The following PGPEP1L variants were observed in gnomAD, a reference collection of about 807,000 sequenced individuals.
PGPEP1L encodes pyroglutamyl-peptidase 1-like protein.
A neutral mutation model predicts 6.0 loss-of-function variants in PGPEP1L; 7 were observed. The observed-to-expected ratio is 1.17, with a 90% confidence interval of 0.66 to 2.19. The LOEUF is 2.19. Ranked by LOEUF, PGPEP1L falls within the 30% of genes most tolerant of loss-of-function variation. The probability of loss-of-function intolerance (pLI) is 0.00; values close to 1 mark genes in which losing one functional copy is unlikely to be tolerated. For synonymous variants in PGPEP1L, 103 were observed against 83.9 expected (o/e 1.23, Z -1.24); for missense variants, 209 against 192.5 (o/e 1.09, Z -0.51).
At chr15:98,989,134 T>A (rs2017786681) in intron 2 of PGPEP1L, among the ~76,000 whole-genome samples, 1 of 152,156 alleles carries the variant, frequency 6.6e-6, no homozygotes, top group South Asian at 2.1e-4. Context: ...GAGAATGAGT[T>A]TGACGAATTG....
intron 2 of PGPEP1L, among the ~76,000 whole-genome samples, chr15:99,001,569 A>T (rs1190126172): frequency 3.3e-5 from 5 of 152,252 alleles, no homozygotes; most frequent in African/African-American, 1.2e-4. Context: ...CATGTGGATT[A>T]TATCTCAATG....
intron 2 of PGPEP1L, among the ~76,000 whole-genome samples, chr15:98,989,530 G>A (rs2017791632): frequency 6.6e-6 from 1 of 152,200 alleles, no homozygotes; most frequent in African/African-American, 2.4e-5. Flanking sequence ...GTGACAGGGA[G>A]AATGGAACCA....
intron 2 of PGPEP1L, among the ~76,000 whole-genome samples, chr15:98,997,224 C>T (rs2017900133): frequency 6.6e-6 from 1 of 152,178 alleles, no homozygotes. Flanking sequence ...TTGGCAGTGG[C>T]TCTGGGATGC....
At chr15:99,003,624 C>G (rs1444044059) in intron 2 of PGPEP1L, among the ~76,000 whole-genome samples, 1 of 151,932 alleles carries the variant, frequency 6.6e-6, no homozygotes, top group Non-Finnish European at 1.5e-5. Flanking sequence ...ACACACGAAG[C>G]AAATCCAATT....
intron 2 of PGPEP1L, among the ~76,000 whole-genome samples, chr15:98,988,139 G>C (rs549043356): frequency 1.1e-3 from 171 of 152,218 alleles, no homozygotes; most frequent in Non-Finnish European, 2.0e-3. Flanking sequence ...CAGCGAGACA[G>C]AATCTTTCAC....
intron 2 of PGPEP1L, among the ~76,000 whole-genome samples, chr15:99,002,588 A>C (rs111691238): frequency 0.016 from 2,416 of 152,228 alleles, 77 homozygotes; most frequent in African/African-American, 0.055. Flanking sequence ...ATATCAGGAG[A>C]GGCTGGGTAA....
At chr15:98,977,077 G>C (rs1238253334) in intron 2 of PGPEP1L, among the ~76,000 whole-genome samples, 1 of 150,694 alleles carries the variant, frequency 6.6e-6, no homozygotes, top group Non-Finnish European at 1.5e-5. Context: ...AGGCCTGGAG[G>C]CCAGGCCATG....
chr15:98,978,720 A>G (rs1187520162), intron 2 of PGPEP1L, among the ~76,000 whole-genome samples: 1 of 39,338 alleles, frequency 2.5e-5, no homozygotes, highest in Admixed American at 3.4e-4. Flanking sequence ...ATATATATAT[A>G]TATATATTTT....
At position 98,968,605 on chromosome 15, in the gene PGPEP1L, G is replaced by A. The variant is rs202026875; in HGVS notation, c.302C>T (p.Pro101Leu). The A allele has an allele frequency of 2.0e-5, 32 of 1,607,978 alleles. No homozygotes were observed. The highest frequency in any genetic ancestry group is 2.7e-5 in the African/African-American group (2 of 74,878). ...CAAGGCTCTTCCCAGCAGGCTGGCC[G>A]GGAGCCCGCGCGATAGTGGAGGGAC... ...IHVPPLSRGL[P>L]ASLLGRALRV... Residue 101 changes from proline to leucine, a missense_variant, in exon 5 of 5, where the codon CCG (proline) becomes CTG (leucine). Physicochemically the swap from Pro to Leu is moderately conservative, Grantham distance 98 (BLOSUM62 -3). Transcript: ENST00000535714.
chr15:99,002,142 G>A (rs556502695), intron 2 of PGPEP1L, among the ~76,000 whole-genome samples: 1 of 152,068 alleles, frequency 6.6e-6, no homozygotes, highest in Non-Finnish European at 1.5e-5. Context: ...CTCCCGAGTA[G>A]CTGGGACCAC....
intron 2 of PGPEP1L, among the ~76,000 whole-genome samples, chr15:99,003,743 C>T (rs2018008139): frequency 6.8e-6 from 1 of 147,882 alleles, no homozygotes; most frequent in South Asian, 2.1e-4. Context: ...GGTATTTCAT[C>T]AAACAATTTC....
At chr15:99,007,020 T>C (rs561337293) in intron 1 of PGPEP1L, among the ~76,000 whole-genome samples, 45 of 152,238 alleles carry the variant, frequency 3.0e-4, no homozygotes, top group Middle Eastern at 6.8e-3. Flanking sequence ...CCTCCTGATA[T>C]AAAGCGCTCC....
chr15:98,997,880 G>C (rs565493751), intron 2 of PGPEP1L, among the ~76,000 whole-genome samples: 3 of 152,078 alleles, frequency 2.0e-5, no homozygotes, highest in Non-Finnish European at 4.4e-5. Flanking sequence ...CTCCCAGGAG[G>C]GTCCCTTTAG....
Position 98,968,570 on chromosome 15 carries a change from T to A in PGPEP1L, c.337A>T (p.Ile113Phe), listed in dbSNP as rs2151752542. 6.3e-7 allele frequency: 1 copy of A among 1,579,960 alleles called. No individual in the cohort carries two copies. Among genetic ancestry groups the A allele is most frequent in the East Asian group, 2.3e-5 (1 of 43,498 alleles). ...SLLGRALRVI[I>F]QEMLEEVGKP... Reference sequence around the variant, plus strand: ...CCCACCTCTTCCAGCATTTCCTGGATGATGACTCTCAAGGCTCTTCCCAGC... The same window carrying A: ...CCCACCTCTTCCAGCATTTCCTGGAAGATGACTCTCAAGGCTCTTCCCAGC... Residue 113 changes from isoleucine (I) to phenylalanine (F), a missense_variant, in exon 5 of 5, where the codon ATC becomes TTC. By Grantham distance (21) the Ile-to-Phe change is conservative. Coordinates refer to ENST00000535714, the MANE Select transcript of PGPEP1L (RefSeq NM_001167902.2).
rs542443340 is a variant in PGPEP1L at position 99,001,684 on chromosome 15, G to A, written c.-142+3745C>T. Reference sequence around the variant, plus strand: ...AACCAATCTCAAAAGGACATGTACTGTATGATTTCATTTATATATTTGTGT... The same window carrying A: ...AACCAATCTCAAAAGGACATGTACTATATGATTTCATTTATATATTTGTGT... On this transcript the variant is annotated intron_variant, in intron 2 of 4. Transcript: ENST00000535714. Among the ~76,000 whole-genome samples the A allele has an allele frequency of 7.3e-5, 9 of 123,508 alleles. 1 individual carries two copies. The South Asian group carries it at 9.1e-4, about 12-fold the overall frequency. 81.0% of individuals were successfully genotyped at this position (123,508 alleles called of 152,430 possible).
chr15:98,987,247 C>A (rs1269875212), intron 2 of PGPEP1L, among the ~76,000 whole-genome samples: 1 of 148,712 alleles, frequency 6.7e-6, no homozygotes, highest in Admixed American at 6.7e-5. Context: ...ATTTCTTTGG[C>A]CTTCCTCTGT....
intron 2 of PGPEP1L, among the ~76,000 whole-genome samples, chr15:98,981,204 A>G (rs532620219): frequency 3.9e-5 from 6 of 152,010 alleles, no homozygotes; most frequent in East Asian, 2.0e-4. Context: ...AAAAACTAGG[A>G]AAGTCTGGCC....
chr15:98,981,500 A>AC (rs1387199722), intron 2 of PGPEP1L, among the ~76,000 whole-genome samples: 89 of 146,448 alleles, frequency 6.1e-4, no homozygotes, highest in African/African-American at 2.2e-3. Flanking sequence ...AAAAAAAAAA[A>AC]AAAAAACAAA....
chr15:98,968,451 A>G lies in PGPEP1L; in HGVS notation c.*27T>C, dbSNP rs1052836254. The G allele has an allele frequency of 1.8e-5, 28 of 1,598,452 alleles. No homozygotes were observed. The highest frequency in any genetic ancestry group is 5.2e-5 in the Admixed American group (3 of 58,046). On this transcript the variant is annotated 3_prime_UTR_variant, in exon 5 of 5. Coordinates refer to ENST00000535714, the MANE Select transcript of PGPEP1L (RefSeq NM_001167902.2). Reference sequence around the variant, plus strand: ...GCTACATACAGGATTGAAACATTCAATTTTCTCTAGAGGAGCAATCCCCCG... The same window carrying G: ...GCTACATACAGGATTGAAACATTCAGTTTTCTCTAGAGGAGCAATCCCCCG...
Sources: allele counts gnomAD v4.1 joint callset (sites outside exome capture counted in the v4.1 genomes callset), GRCh38; gene constraint gnomAD v4.1.1; transcripts MANE v1.5; gene names NCBI Gene and HGNC (gene_info 2026-07-23, HGNC 2026-07-21).